The following LRRC4C variants were observed in gnomAD, a reference collection of about 807,000 sequenced individuals.
LRRC4C encodes the protein leucine-rich repeat-containing protein 4C.
A neutral mutation model predicts 33.6 loss-of-function variants in LRRC4C; 5 were observed. That is an observed-to-expected ratio of 0.15 (90% CI 0.08 to 0.31). The LOEUF (loss-of-function observed/expected upper bound fraction) is 0.31. LRRC4C is among the 10% of genes least tolerant of loss of function. LRRC4C has a pLI of 1.00. For missense variants in LRRC4C, 560 were observed against 796.7 expected (o/e 0.70, Z 3.58); for synonymous variants, 329 against 302.0 (o/e 1.09, Z -0.93).
At chr11:40,204,156 C>T (rs1348699770) in intron 5 of LRRC4C, among the ~76,000 whole-genome samples, 1 of 152,104 alleles carries the variant, frequency 6.6e-6, no homozygotes, top group Non-Finnish European at 1.5e-5. Flanking sequence ...GTCTGGAATG[C>T]CTAACCTCAA....
chr11:40,298,948 C>T lies in LRRC4C; in HGVS notation c.-176+20680G>A, dbSNP rs190201209. On this transcript the variant is annotated intron_variant, in intron 4 of 6. Coordinates refer to ENST00000528697, the MANE Select transcript of LRRC4C (RefSeq NM_001258419.2). ...ACCTCCCATGAGGTCCCTCCCCCAA[C>T]ACATGGCAATTACAATTTGGATTAC... Among the ~76,000 whole-genome samples the T allele has an allele frequency of 2.6e-5, 4 of 152,270 alleles. No individual in the cohort carries two copies. The East Asian group carries it at 7.7e-4, about 29-fold the overall frequency.
At chr11:40,852,848 C>T (rs1282830908) in intron 2 of LRRC4C, among the ~76,000 whole-genome samples, 1 of 152,110 alleles carries the variant, frequency 6.6e-6, no homozygotes, top group Non-Finnish European at 1.5e-5. Context: ...AACTGTCAAT[C>T]ATGATAAATT....
intron 2 of LRRC4C, among the ~76,000 whole-genome samples, chr11:40,744,784 C>A (rs767382630): frequency 1.1e-4 from 16 of 152,084 alleles, no homozygotes; most frequent in Non-Finnish European, 1.8e-4. Flanking sequence ...TATTTGACAG[C>A]AAAGTCCATG....
chr11:40,292,334 C>T (rs1388381152), intron 4 of LRRC4C: 1 of 151,998 alleles, frequency 6.6e-6, no homozygotes, highest in African/African-American at 2.4e-5. Context: ...TGCAATTATC[C>T]GTCAATTTTA....
chr11:41,092,440 G>C (rs1460265729), intron 1 of LRRC4C, among the ~76,000 whole-genome samples: 1 of 152,132 alleles, frequency 6.6e-6, no homozygotes, highest in African/African-American at 2.4e-5. Context: ...GTTGACTGTA[G>C]TAAACTCTCA....
chr11:40,835,777 G>A (rs1952642742), intron 2 of LRRC4C, among the ~76,000 whole-genome samples: 1 of 152,056 alleles, frequency 6.6e-6, no homozygotes, highest in Non-Finnish European at 1.5e-5. Flanking sequence ...TTATAATTAA[G>A]AGAAATATTA....
At chr11:40,749,815 A>G (rs149964635) in intron 2 of LRRC4C, among the ~76,000 whole-genome samples, 35 of 152,252 alleles carry the variant, frequency 2.3e-4, no homozygotes, top group African/African-American at 7.5e-4. Flanking sequence ...CAAAACTGAT[A>G]CCACGGAAAT....
At chr11:40,487,492 C>T (rs1953922216) in intron 3 of LRRC4C, among the ~76,000 whole-genome samples, 2 of 152,052 alleles carry the variant, frequency 1.3e-5, no homozygotes, top group Admixed American at 1.3e-4. Context: ...AATGGAGAGA[C>T]TATCCTGGAT....
At chr11:41,338,711 A>T (rs557921984) in intron 1 of LRRC4C, among the ~76,000 whole-genome samples, 58 of 152,286 alleles carry the variant, frequency 3.8e-4, no homozygotes, top group Middle Eastern at 3.4e-3. Flanking sequence ...AAATAAAAAT[A>T]AAAATTAAAA....
chr11:41,224,782 T>G (rs1565494418), intron 1 of LRRC4C, among the ~76,000 whole-genome samples: 1 of 152,180 alleles, frequency 6.6e-6, no homozygotes, highest in Non-Finnish European at 1.5e-5. Context: ...TATTCAAAAA[T>G]TCTTCTTGTA....
intron 2 of LRRC4C, among the ~76,000 whole-genome samples, chr11:40,675,655 T>G (rs2136297341): frequency 6.6e-6 from 1 of 152,332 alleles, no homozygotes; most frequent in East Asian, 1.9e-4. Flanking sequence ...TTCACCACTT[T>G]ATCTTCAATA....
chr11:40,732,289 G>T (rs773946605), intron 2 of LRRC4C, among the ~76,000 whole-genome samples: 1 of 152,110 alleles, frequency 6.6e-6, no homozygotes, highest in Admixed American at 6.6e-5. Flanking sequence ...ACTCAAGGAG[G>T]TACAATAATT....
rs184049966 is a variant in LRRC4C, at chr11:41,395,367, A to G, written c.-496+64064T>C. Among the ~76,000 whole-genome samples, 817 of 152,138 alleles carry G rather than the reference A, an allele frequency of 5.4e-3. 6 individuals carry two copies. Among genetic ancestry groups the G allele is most frequent in the African/African-American group, 0.019 (788 of 41,546 alleles). On this transcript the variant is annotated intron_variant, in intron 1 of 6. Transcript: ENST00000528697. ...CTGTATAACCTCATTTATACCCAGCAAATAATGAGGTCTGGAGACGTGTGG... is the reference window on the plus strand; with the variant it reads ...CTGTATAACCTCATTTATACCCAGCGAATAATGAGGTCTGGAGACGTGTGG...
At chr11:40,450,697 T>C (rs1025313027) in intron 3 of LRRC4C, among the ~76,000 whole-genome samples, 7 of 150,962 alleles carry the variant, frequency 4.6e-5, no homozygotes, top group Non-Finnish European at 1.0e-4. Flanking sequence ...CATTCATTAA[T>C]ATATTTAAAG....
chr11:41,370,100 C>G (rs759475422), intron 1 of LRRC4C, among the ~76,000 whole-genome samples: 1 of 152,280 alleles, frequency 6.6e-6, no homozygotes, highest in East Asian at 1.9e-4. Flanking sequence ...ACGTGGCACA[C>G]TTCTTTATAC....
chr11:40,758,200 A>G, intron 2 of LRRC4C, among the ~76,000 whole-genome samples: 1 of 152,070 alleles, frequency 6.6e-6, no homozygotes, highest in Non-Finnish European at 1.5e-5. Context: ...GAGATAAATT[A>G]TATGGGATGC....
chr11:41,355,129 C>G (rs958045344), intron 1 of LRRC4C, among the ~76,000 whole-genome samples: 5 of 151,850 alleles, frequency 3.3e-5, no homozygotes, highest in African/African-American at 9.7e-5. Context: ...ACAAGGAACT[C>G]AAACAAATAG....
chr11:40,668,771 A>T (rs1292039736), intron 2 of LRRC4C, among the ~76,000 whole-genome samples: 1 of 152,182 alleles, frequency 6.6e-6, no homozygotes, highest in Non-Finnish European at 1.5e-5. Context: ...TAGAAACTAG[A>T]GAGATTTTCC....
At chr11:40,617,124 G>A (rs1462004082) in intron 3 of LRRC4C, among the ~76,000 whole-genome samples, 1 of 151,646 alleles carries the variant, frequency 6.6e-6, no homozygotes, top group African/African-American at 2.4e-5. Flanking sequence ...TTCTACTGCA[G>A]AAGAGTTTAT....
Sources: allele counts gnomAD v4.1 joint callset (sites outside exome capture counted in the v4.1 genomes callset), GRCh38; gene constraint gnomAD v4.1.1; transcripts MANE v1.5; gene names NCBI Gene and HGNC (gene_info 2026-07-23, HGNC 2026-07-21).